Variants in IQCM observed in about 807,000 individuals in gnomAD.
The protein encoded by IQCM is IQ motif containing M, also known as IQ domain-containing protein M.
IQCM carries 45 observed loss-of-function variants against 57.6 expected under a neutral mutation model. That is an observed-to-expected ratio of 0.78 (90% CI 0.62 to 1.00). The LOEUF (loss-of-function observed/expected upper bound fraction) is 1.00, where lower values mean the gene tolerates loss of function less well. IQCM is among the 50% of genes least tolerant of loss of function. The pLI, the probability that IQCM is intolerant of heterozygous loss-of-function variation, is 0.00. For missense variants in IQCM, 468 were observed against 511.6 expected (o/e 0.91, Z 0.82); for synonymous variants, 148 against 158.9 (o/e 0.93, Z 0.51).
At chr4:149,723,853 A>G (rs953466593) in intron 5 of IQCM, among the ~76,000 whole-genome samples, 3 of 151,816 alleles carry the variant, frequency 2.0e-5, no homozygotes, top group African/African-American at 4.8e-5. Context: ...GAATAGTTTC[A>G]GTAGGATTGA....
chr4:149,559,858 A>G (rs1749951237), intron 10 of IQCM, among the ~76,000 whole-genome samples: 1 of 152,300 alleles, frequency 6.6e-6, no homozygotes, highest in Admixed American at 6.5e-5. Context: ...GTGAGAGAGC[A>G]TTACTGCCTG....
chr4:149,614,356 T>TGCC (rs1755588646), intron 8 of IQCM, among the ~76,000 whole-genome samples: 4 of 152,096 alleles, frequency 2.6e-5, no homozygotes, highest in African/African-American at 9.7e-5. Flanking sequence ...ATTAAAGAGG[T>TGCC]CTACATGGCA....
At chr4:149,457,178 A>G (rs1386905785) in intron 12 of IQCM, among the ~76,000 whole-genome samples, 1 of 152,102 alleles carries the variant, frequency 6.6e-6, no homozygotes. Flanking sequence ...TCACTTGCTT[A>G]TAACTAGAGT....
chr4:149,801,750 A>T (rs904657464), intron 2 of IQCM, among the ~76,000 whole-genome samples: 8 of 151,946 alleles, frequency 5.3e-5, no homozygotes, highest in African/African-American at 1.9e-4. Context: ...TAAGAAGAGT[A>T]GTGGAGGACT....
intron 2 of IQCM, among the ~76,000 whole-genome samples, chr4:149,801,272 C>G (rs1773579236): frequency 6.6e-6 from 1 of 151,882 alleles, no homozygotes; most frequent in South Asian, 2.1e-4. Context: ...AAACAAGAAC[C>G]CTCGTACACT....
At chr4:149,417,462 T>A (rs1733825528) in intron 13 of IQCM, among the ~76,000 whole-genome samples, 1 of 152,148 alleles carries the variant, frequency 6.6e-6, no homozygotes. Flanking sequence ...ATACTTTGGT[T>A]CCACTGGAAC....
intron 8 of IQCM, among the ~76,000 whole-genome samples, chr4:149,592,675 G>C (rs1177732180): frequency 1.0e-5 from 1 of 95,594 alleles, no homozygotes; most frequent in East Asian, 3.0e-4. Context: ...TTTCTACATA[G>C]GCTAGCCAGT....
chr4:149,805,374 G>C (rs1485524333), intron 2 of IQCM, among the ~76,000 whole-genome samples: 2 of 151,998 alleles, frequency 1.3e-5, no homozygotes, highest in African/African-American at 4.8e-5. Context: ...TTTCTCTAGA[G>C]AGTTCATAAT....
At chr4:149,744,768 C>T (rs1408768042) in intron 2 of IQCM, among the ~76,000 whole-genome samples, 1 of 151,770 alleles carries the variant, frequency 6.6e-6, no homozygotes, top group Non-Finnish European at 1.5e-5. Context: ...CTAATGCATC[C>T]ATCAATTAAT....
chr4:149,707,947 A>G (rs1162070221), intron 5 of IQCM, among the ~76,000 whole-genome samples: 3 of 151,950 alleles, frequency 2.0e-5, no homozygotes, highest in Admixed American at 2.0e-4. Flanking sequence ...CTATATTTTC[A>G]TCTAGAACCA....
At chr4:149,556,832 T>G (rs1749633420) in intron 10 of IQCM, among the ~76,000 whole-genome samples, 1 of 152,172 alleles carries the variant, frequency 6.6e-6, no homozygotes, top group Non-Finnish European at 1.5e-5. Flanking sequence ...CTCCTAGGTT[T>G]GGTTCCTCTT....
chr4:149,600,300 A>C (rs1298123421), intron 8 of IQCM, among the ~76,000 whole-genome samples: 1 of 152,200 alleles, frequency 6.6e-6, no homozygotes, highest in African/African-American at 2.4e-5. Context: ...ATCTTCACCA[A>C]GACTCTGCAA....
At chr4:149,577,532 G>GA (rs1751774761) in intron 9 of IQCM, among the ~76,000 whole-genome samples, 1 of 151,962 alleles carries the variant, frequency 6.6e-6, no homozygotes. Context: ...TCAAAGATCA[G>GA]ATGGTTGTAG....
At chr4:149,589,016 A>T (rs867455645) in intron 8 of IQCM, among the ~76,000 whole-genome samples, 2 of 151,982 alleles carry the variant, frequency 1.3e-5, no homozygotes, top group Non-Finnish European at 2.9e-5. Flanking sequence ...AAGAAGAATA[A>T]CTGAGGAAGA....
rs1259646487 is a variant in IQCM at position 149,742,642 on chromosome 4, C to T, written c.37+13G>A. 8.1e-7 allele frequency: 1 copy of T among 1,227,052 alleles called. No individual in the cohort carries two copies. Among genetic ancestry groups the T allele is most frequent in the Non-Finnish European group, 1.0e-6 (1 of 983,534 alleles). 76.0% of individuals were successfully genotyped at this position (1,227,052 alleles called of 1,614,324 possible). Reference sequence around the variant, plus strand: ...TATGACTTGTACTATGTTAGGTAAGCACAGATACTCACATTTTGCTTTTTC... The same window carrying T: ...TATGACTTGTACTATGTTAGGTAAGTACAGATACTCACATTTTGCTTTTTC... On this transcript the variant is annotated intron_variant, in intron 3 of 13. Transcript: ENST00000636793.
intron 12 of IQCM, among the ~76,000 whole-genome samples, chr4:149,440,488 C>A (rs1163937908): frequency 6.6e-6 from 1 of 152,032 alleles, no homozygotes; most frequent in Non-Finnish European, 1.5e-5. Flanking sequence ...ATTATTTTCC[C>A]ATACTATTTA....
At chr4:149,385,531 C>A (rs1187775345) in intron 13 of IQCM, among the ~76,000 whole-genome samples, 1 of 152,014 alleles carries the variant, frequency 6.6e-6, no homozygotes, top group Non-Finnish European at 1.5e-5. Flanking sequence ...ATATAAAAAA[C>A]TCCTGGAAGC....
chr4:149,375,918 T>C (rs191956267), intron 13 of IQCM, among the ~76,000 whole-genome samples: 43 of 152,308 alleles, frequency 2.8e-4, no homozygotes, highest in Middle Eastern at 3.4e-3. Context: ...CAATGATTTA[T>C]TATAAAATTT....
intron 12 of IQCM, among the ~76,000 whole-genome samples, chr4:149,512,885 C>A (rs1299070292): frequency 1.3e-5 from 2 of 152,130 alleles, no homozygotes; most frequent in Non-Finnish European, 2.9e-5. Context: ...GTGAATATAA[C>A]AAAGAGGGAT....
Sources: allele counts gnomAD v4.1 joint callset (sites outside exome capture counted in the v4.1 genomes callset), GRCh38; gene constraint gnomAD v4.1.1; transcripts MANE v1.5; gene names NCBI Gene and HGNC (gene_info 2026-07-23, HGNC 2026-07-21).